Variants in ROBO2 observed in about 807,000 individuals in gnomAD.
ROBO2 encodes roundabout guidance receptor 2, also known as roundabout homolog 2.
In ROBO2, 53 loss-of-function variants were observed where a neutral mutation model predicts 160.8. That is an observed-to-expected ratio of 0.33 (90% CI 0.26 to 0.41). ROBO2 has a LOEUF of 0.41. Ranked by LOEUF, ROBO2 falls within the 10% of genes least tolerant of loss-of-function variation. ROBO2 has a pLI of 1.00. For missense variants in ROBO2, 1,577 were observed against 1,722.4 expected, an observed-to-expected ratio of 0.92 and a Z score of 1.49; for synonymous variants, 664 against 611.7, an observed-to-expected ratio of 1.09 and a Z score of -1.26.
At chr3:77,171,547 T>C (rs778181353) in intron 2 of ROBO2, among the ~76,000 whole-genome samples, 15 of 152,266 alleles carry the variant, frequency 9.9e-5, no homozygotes, top group Non-Finnish European at 1.5e-4. Context: ...GAAATAGTTA[T>C]ATTTGTGGTA....
At chr3:77,002,707 G>A (rs1159601752) in intron 2 of ROBO2, among the ~76,000 whole-genome samples, 1 of 151,956 alleles carries the variant, frequency 6.6e-6, no homozygotes, top group African/African-American at 2.4e-5. Context: ...ATATCTTTTT[G>A]TCTCAGTCTC....
At chr3:76,897,807 T>C (rs1283657005) in intron 2 of ROBO2, among the ~76,000 whole-genome samples, 1 of 152,036 alleles carries the variant, frequency 6.6e-6, no homozygotes, top group Non-Finnish European at 1.5e-5. Context: ...GGAAACTTTC[T>C]CTTCATTTGT....
intron 2 of ROBO2, among the ~76,000 whole-genome samples, chr3:76,801,288 T>G (rs1378036298): frequency 6.6e-6 from 1 of 152,066 alleles, no homozygotes; most frequent in Non-Finnish European, 1.5e-5. Context: ...GGGAAAGAAA[T>G]GAAGATGGTC....
chr3:76,693,987 A>G (rs2092871886), intron 2 of ROBO2, among the ~76,000 whole-genome samples: 1 of 152,198 alleles, frequency 6.6e-6, no homozygotes, highest in Non-Finnish European at 1.5e-5. Flanking sequence ...GCTAACACCT[A>G]AAACTAACCA....
chr3:76,401,564 T>A (rs1234644484), intron 2 of ROBO2, among the ~76,000 whole-genome samples: 1 of 151,520 alleles, frequency 6.6e-6, no homozygotes, highest in Non-Finnish European at 1.5e-5. Context: ...TTAACAACAA[T>A]AACGGAACCA....
At chr3:76,093,133 G>T (rs899915276) in intron 2 of ROBO2, among the ~76,000 whole-genome samples, 3 of 151,840 alleles carry the variant, frequency 2.0e-5, no homozygotes, top group African/African-American at 7.3e-5. Context: ...TTTGTCTTCT[G>T]GTGTAATCAT....
chr3:77,419,964 G>C (rs1002890200), intron 2 of ROBO2, among the ~76,000 whole-genome samples: 2 of 151,970 alleles, frequency 1.3e-5, no homozygotes, highest in Non-Finnish European at 2.9e-5. Context: ...CTTCTGAATC[G>C]AAGTTTCAGG....
At chr3:77,402,870 G>T (rs2075933456) in intron 2 of ROBO2, among the ~76,000 whole-genome samples, 1 of 151,860 alleles carries the variant, frequency 6.6e-6, no homozygotes, top group South Asian at 2.1e-4. Flanking sequence ...CCTCTTACAA[G>T]TGTACTTTAC....
intron 2 of ROBO2, among the ~76,000 whole-genome samples, chr3:76,887,501 G>A (rs999331910): frequency 6.6e-6 from 1 of 152,032 alleles, no homozygotes; most frequent in African/African-American, 2.4e-5. Flanking sequence ...GGGGTTGTGC[G>A]GTGGCTGACA....
intron 2 of ROBO2, among the ~76,000 whole-genome samples, chr3:76,443,643 C>T (rs2077031299): frequency 6.6e-6 from 1 of 152,120 alleles, no homozygotes; most frequent in South Asian, 2.1e-4. Context: ...AAAGTTAAGG[C>T]ACAATTTAAG....
intron 3 of ROBO2, among the ~76,000 whole-genome samples, chr3:77,479,743 A>G (rs967755560): frequency 6.6e-6 from 1 of 152,136 alleles, no homozygotes; most frequent in Non-Finnish European, 1.5e-5. Flanking sequence ...GCTCTTGCCT[A>G]TTTAAAGGTG....
chr3:75,985,209 T>A (rs2065381585), intron 2 of ROBO2, among the ~76,000 whole-genome samples: 1 of 151,550 alleles, frequency 6.6e-6, no homozygotes, highest in African/African-American at 2.4e-5. Flanking sequence ...CTACTCATTT[T>A]ATTATCATGG....
intron 2 of ROBO2, among the ~76,000 whole-genome samples, chr3:77,315,303 GA>G (rs2063880769): frequency 1.3e-5 from 2 of 152,228 alleles, no homozygotes; most frequent in South Asian, 2.1e-4. Flanking sequence ...TTATTATTCA[GA>G]CCACATTGAT....
chr3:77,038,351 T>C (rs970811020), upstream of ROBO2, among the ~76,000 whole-genome samples: 1 of 152,220 alleles, frequency 6.6e-6, no homozygotes, highest in Non-Finnish European at 1.5e-5. Flanking sequence ...TTTTATTCTT[T>C]CGCAAGACTA....
At chr3:77,298,623 G>C (rs1218049044) in intron 2 of ROBO2, among the ~76,000 whole-genome samples, 2 of 152,132 alleles carry the variant, frequency 1.3e-5, no homozygotes, top group African/African-American at 2.4e-5. Flanking sequence ...GTACACTGTT[G>C]TAATAGCTGC....
intron 2 of ROBO2, among the ~76,000 whole-genome samples, chr3:76,831,675 C>G (rs1162583746): frequency 2.0e-5 from 3 of 152,094 alleles, no homozygotes; most frequent in Non-Finnish European, 4.4e-5. Context: ...AATGTCTTCT[C>G]ATATTGTTTC....
At chr3:77,280,418 TG>T (rs2060168926) in intron 2 of ROBO2, among the ~76,000 whole-genome samples, 1 of 152,132 alleles carries the variant, frequency 6.6e-6, no homozygotes, top group Non-Finnish European at 1.5e-5. Context: ...AATTATGTCT[TG>T]TTTTGGTTTG....
At chr3:77,636,514 C>T (rs2095266513) in intron 24 of ROBO2, among the ~76,000 whole-genome samples, 2 of 151,920 alleles carry the variant, frequency 1.3e-5, no homozygotes, top group Admixed American at 1.3e-4. Flanking sequence ...ATTGCTTGAA[C>T]CAGGGAGTCA....
At chr3:76,227,085 C>T (rs1704334456) in intron 2 of ROBO2, among the ~76,000 whole-genome samples, 1 of 152,178 alleles carries the variant, frequency 6.6e-6, no homozygotes, top group African/African-American at 2.4e-5. Flanking sequence ...CCGACTGGCT[C>T]ACTACAGTGA....
Sources: gnomAD v4.1 joint callset for allele counts (sites outside exome capture counted in the v4.1 genomes callset) on GRCh38, gnomAD v4.1.1 for gene constraint, MANE v1.5 for transcripts, NCBI Gene and HGNC (gene_info 2026-07-23, HGNC 2026-07-21) for gene names.